The following ATXN1 variants were observed in gnomAD, a reference collection of about 807,000 sequenced individuals.
ATXN1 encodes the protein ataxin 1.
ATXN1 carries 8 observed loss-of-function variants against 56.4 expected under a neutral mutation model. That is an observed-to-expected ratio of 0.14 (90% CI 0.08 to 0.26). The LOEUF is 0.26. Among genes scored for constraint, ATXN1 ranks in the 10% least tolerant of loss-of-function variants. The pLI is 1.00. For synonymous variants in ATXN1, 514 were observed against 494.6 expected, an observed-to-expected ratio of 1.04 and a Z score of -0.52; for missense variants, 987 against 1,106.5, an observed-to-expected ratio of 0.89 and a Z score of 1.53.
intron 2 of ATXN1, among the ~76,000 whole-genome samples, chr6:16,679,477 G>T (rs1236679965): frequency 6.6e-6 from 1 of 152,142 alleles, no homozygotes; most frequent in African/African-American, 2.4e-5. Flanking sequence ...CAAAGAGAAG[G>T]GAAATATAGT....
At chr6:16,347,104 C>T (rs1172204443) in intron 6 of ATXN1, among the ~76,000 whole-genome samples, 2 of 152,238 alleles carry the variant, frequency 1.3e-5, no homozygotes, top group Admixed American at 6.5e-5. Context: ...TGCAGCCCGC[C>T]ATGCCTGAAC....
At chr6:16,584,530 T>C (rs1395223845) in intron 4 of ATXN1, among the ~76,000 whole-genome samples, 1 of 151,936 alleles carries the variant, frequency 6.6e-6, no homozygotes, top group Non-Finnish European at 1.5e-5. Flanking sequence ...CTTCTGGATT[T>C]AATATTATTT....
chr6:16,393,871 C>G (rs937323386), intron 6 of ATXN1, among the ~76,000 whole-genome samples: 1 of 149,796 alleles, frequency 6.7e-6, no homozygotes, highest in Non-Finnish European at 1.5e-5. Flanking sequence ...AGTGTAATAC[C>G]TTTTCAACAT....
intron 6 of ATXN1, among the ~76,000 whole-genome samples, chr6:16,468,743 G>A (rs1164660498): frequency 1.3e-5 from 2 of 152,142 alleles, no homozygotes; most frequent in Non-Finnish European, 2.9e-5. Flanking sequence ...GAGAATGCAA[G>A]CATTTAAAAA....
intron 6 of ATXN1, among the ~76,000 whole-genome samples, chr6:16,361,567 C>T (rs1761808983): frequency 6.6e-6 from 1 of 152,176 alleles, no homozygotes; most frequent in Non-Finnish European, 1.5e-5. Flanking sequence ...TCCCCTAAAA[C>T]TTGCATAAAC....
At chr6:16,683,289 T>C (rs1410403323) in intron 2 of ATXN1, among the ~76,000 whole-genome samples, 1 of 152,184 alleles carries the variant, frequency 6.6e-6, no homozygotes, top group African/African-American at 2.4e-5. Context: ...TGGTGCCCAA[T>C]GGGCCAGCAC....
At chr6:16,718,378 G>A (rs1031182735) in intron 2 of ATXN1, among the ~76,000 whole-genome samples, 2 of 152,210 alleles carry the variant, frequency 1.3e-5, no homozygotes, top group African/African-American at 4.8e-5. Flanking sequence ...ACCAAGGAAG[G>A]AAAACAAAAC....
Position 16,568,606 on chromosome 6 carries a change from G to T in ATXN1, c.-361+17174C>A, listed in dbSNP as rs538575835. 2.0e-5 allele frequency among the ~76,000 whole-genome samples: 3 copies of T among 152,288 alleles called. No homozygotes were observed. In the East Asian group the frequency reaches 5.8e-4, roughly 29 times the overall value. On this transcript the variant is annotated intron_variant, in intron 4 of 7. Coordinates refer to ENST00000436367, the MANE Select transcript of ATXN1 (RefSeq NM_001128164.2). The stretch of plus-strand genomic sequence containing the variant: ...AGGGGACAGGAGGTGAAGAAATCAT[G>T]AGGAGGTGGGTGACTTACAAATGAA...
intron 4 of ATXN1, among the ~76,000 whole-genome samples, chr6:16,573,227 A>T (rs1762363678): frequency 6.6e-6 from 1 of 151,866 alleles, no homozygotes; most frequent in Non-Finnish European, 1.5e-5. Context: ...AGAATACATT[A>T]TTCCTCGATG....
At chr6:16,460,109 G>A (rs915228166) in intron 6 of ATXN1, among the ~76,000 whole-genome samples, 5 of 152,098 alleles carry the variant, frequency 3.3e-5, no homozygotes, top group Admixed American at 3.3e-4. Flanking sequence ...AGATGGCCAG[G>A]CCACTCTATA....
In ATXN1 at chr6:16,326,553, C is replaced by G; in HGVS notation, c.1758G>C (p.Glu586Asp). Reference protein sequence around the residue: ...KGSIIQLANGELKKVEDLKTE... With the variant: ...KGSIIQLANGDLKKVEDLKTE... ...TTTTTAAGTCTTCCACCTTCTTTAGCTCCCCGTTGGCCAACTGGATGATGG... is the reference window on the plus strand; with the variant it reads ...TTTTTAAGTCTTCCACCTTCTTTAGGTCCCCGTTGGCCAACTGGATGATGG... The change falls in exon 7 of 8, where the codon GAG (glutamate) becomes GAC (aspartate). Residue 586 changes from glutamate (E) to aspartate (D), a missense_variant. By Grantham distance (45) the Glu-to-Asp change is conservative. Coordinates refer to ENST00000436367, the MANE Select transcript of ATXN1 (RefSeq NM_001128164.2). The surrounding 1 kb of genome is among the most constrained non-coding windows in gnomAD (Gnocchi z 6.6). 4 of 1,614,194 alleles carry G rather than the reference C, an allele frequency of 2.5e-6. No homozygotes were observed. The South Asian group carries it at 4.4e-5, about 18-fold the overall frequency.
intron 2 of ATXN1, among the ~76,000 whole-genome samples, chr6:16,716,684 A>C (rs1298102038): frequency 6.6e-6 from 1 of 152,240 alleles, no homozygotes; most frequent in East Asian, 1.9e-4. Context: ...TTCTTGGACT[A>C]TGGTCTCTTT....
intron 2 of ATXN1, among the ~76,000 whole-genome samples, chr6:16,695,685 G>A (rs911432011): frequency 2.6e-5 from 4 of 152,212 alleles, no homozygotes; most frequent in African/African-American, 4.8e-5. Flanking sequence ...AGAGGTGAAT[G>A]ATTTAAGAAG....
At chr6:16,717,917 A>C (rs990111613) in intron 2 of ATXN1, among the ~76,000 whole-genome samples, 2 of 152,268 alleles carry the variant, frequency 1.3e-5, no homozygotes, top group Admixed American at 1.3e-4. Context: ...GTTTAGGATG[A>C]TGAAGCCAAA....
Position 16,306,151 on chromosome 6 carries a change from A to G in ATXN1, c.*178T>C, listed in dbSNP as rs1252139039. ...CCCGCTCACTGACAGACACTCGTGG[A>G]AAAAGCATATGCACCAGTCTCCTGC... On this transcript the variant is annotated 3_prime_UTR_variant, in exon 8 of 8. Coordinates refer to ENST00000436367, the MANE Select transcript of ATXN1 (RefSeq NM_001128164.2). The surrounding 1 kb of genome is among the most constrained non-coding windows in gnomAD (Gnocchi z 5.2). 2 of 761,036 alleles carry G rather than the reference A, an allele frequency of 2.6e-6. No homozygotes were observed. Among genetic ancestry groups the G allele is most frequent in the Non-Finnish European group, 4.0e-6 (2 of 496,506 alleles). 47.1% of individuals were successfully genotyped at this position (761,036 alleles called of 1,614,324 possible).
intron 6 of ATXN1, among the ~76,000 whole-genome samples, chr6:16,422,331 T>C (rs1759054324): frequency 6.6e-6 from 1 of 152,206 alleles, no homozygotes; most frequent in Non-Finnish European, 1.5e-5. Flanking sequence ...GTAAGCGCAC[T>C]TTCTCTTCTC....
chr6:16,724,150 C>G (rs145287942), intron 2 of ATXN1, among the ~76,000 whole-genome samples: 3 of 152,162 alleles, frequency 2.0e-5, no homozygotes, highest in Admixed American at 2.0e-4. Context: ...TTGTCTTAAA[C>G]CCCGAGTGAC....
chr6:16,340,606 G>T (rs955932493), intron 6 of ATXN1, among the ~76,000 whole-genome samples: 11 of 152,170 alleles, frequency 7.2e-5, no homozygotes, highest in Admixed American at 3.9e-4. Flanking sequence ...TCAAAACGGA[G>T]GGTGGTCTGG....
At chr6:16,332,100 G>A (rs1401394813) in intron 6 of ATXN1, among the ~76,000 whole-genome samples, 1 of 152,196 alleles carries the variant, frequency 6.6e-6, no homozygotes, top group Non-Finnish European at 1.5e-5. Context: ...GCGAGCTGGG[G>A]CCAAACCGAT....
Sources: gnomAD v4.1 joint callset for allele counts (sites outside exome capture counted in the v4.1 genomes callset) on GRCh38, gnomAD v4.1.1 for gene constraint, Gnocchi (gnomAD v3.1) non-coding constraint, MANE v1.5 for transcripts, NCBI Gene and HGNC (gene_info 2026-07-23, HGNC 2026-07-21) for gene names.